DRC1: variants seen among roughly 807,000 people sequenced by gnomAD.
DRC1 encodes dynein regulatory complex protein 1.
DRC1 carries 74 observed loss-of-function variants against 98.7 expected under a neutral mutation model. The ratio of observed to expected loss-of-function variants is 0.75; its 90% CI spans 0.62 to 0.91. The LOEUF is 0.91. Among genes scored for constraint, DRC1 ranks in the 40% least tolerant of loss-of-function variants. The probability of loss-of-function intolerance (pLI) is 0.00; values close to 1 mark genes in which losing one functional copy is unlikely to be tolerated. For synonymous variants in DRC1, 336 were observed against 334.1 expected, an observed-to-expected ratio of 1.01 and a Z score of -0.06; for missense variants, 875 against 886.0, an observed-to-expected ratio of 0.99 and a Z score of 0.16.
At position 26,448,840 on chromosome 2, in the gene DRC1, G is replaced by A. The variant is rs577333887; in HGVS notation, c.1509+37G>A. On this transcript the variant is annotated intron_variant, in intron 11 of 16. Transcript: ENST00000288710. Reference sequence around the variant, plus strand: ...CGGGGGCTGCAGCAGAGGGACTCACGGGGGTGTGCAGGTTCTGAGGCCTCT... The same window carrying A: ...CGGGGGCTGCAGCAGAGGGACTCACAGGGGTGTGCAGGTTCTGAGGCCTCT... The A allele has an allele frequency of 3.5e-5, 56 of 1,601,958 alleles. No individual in the cohort carries two copies. The South Asian group carries it at 4.8e-4, about 14-fold the overall frequency.
intron 10 of DRC1, among the ~76,000 whole-genome samples, chr2:26,446,787 T>C (rs1663862656): frequency 6.6e-6 from 1 of 152,130 alleles, no homozygotes; most frequent in Non-Finnish European, 1.5e-5. Flanking sequence ...ACAGACAGAT[T>C]GCTATATTTT....
chr2:26,429,319 G>A (rs188954988), intron 4 of DRC1, among the ~76,000 whole-genome samples: 60 of 151,872 alleles, frequency 4.0e-4, no homozygotes, highest in Admixed American at 3.0e-3. Flanking sequence ...GGGCTCAAGC[G>A]ATCCTCCCAC....
At chr2:26,446,396 AT>A (rs1197426481) in intron 10 of DRC1, among the ~76,000 whole-genome samples, 1 of 152,088 alleles carries the variant, frequency 6.6e-6, no homozygotes, top group Admixed American at 6.5e-5. Flanking sequence ...AGGGAATGGT[AT>A]TTAGAAACCA....
chr2:26,442,293 G>A (rs558934374), intron 8 of DRC1, among the ~76,000 whole-genome samples: 5 of 152,156 alleles, frequency 3.3e-5, no homozygotes, highest in Admixed American at 6.5e-5. Flanking sequence ...CATTCAAGCC[G>A]TAGCAACCTA....
intron 3 of DRC1, among the ~76,000 whole-genome samples, chr2:26,423,766 T>C (rs1211813022): frequency 1.3e-5 from 2 of 152,214 alleles, no homozygotes; most frequent in African/African-American, 4.8e-5. Flanking sequence ...AGCATCTTAT[T>C]TCATCCTGAC....
At chr2:26,408,525 C>G (rs1678494241) in intron 1 of DRC1, among the ~76,000 whole-genome samples, 4 of 152,144 alleles carry the variant, frequency 2.6e-5, no homozygotes. Context: ...TGTAATCCAG[C>G]ACTTTGGGAG....
At chr2:26,425,319 C>T (rs935398167) in intron 4 of DRC1, among the ~76,000 whole-genome samples, 2 of 152,170 alleles carry the variant, frequency 1.3e-5, no homozygotes, top group African/African-American at 2.4e-5. Context: ...TATACATTCT[C>T]CTGTGAATGG....
rs763177527 is a variant in DRC1 at position 26,430,864 on chromosome 2, G to A, written c.757G>A (p.Ala253Thr). The A allele has an allele frequency of 5.0e-6, 8 of 1,612,882 alleles. No individual in the cohort carries two copies. The Admixed American group carries it at 1.3e-4, about 27-fold the overall frequency. ...KWEQALQAHN[A>T]KELEYLNNRM... ...GGAGCAAGCCCTTCAGGCTCATAAT[G>A]CCAAAGAGGTAAAGGGTGGAGCCTG... Residue 253 changes from alanine (A) to threonine (T), a missense_variant, in exon 6 of 17, where the codon GCC becomes ACC. Ala to Thr is a moderately conservative substitution (Grantham distance 58). Transcript: ENST00000288710.
intron 10 of DRC1, among the ~76,000 whole-genome samples, chr2:26,447,950 C>T (rs543997660): frequency 2.7e-3 from 403 of 151,640 alleles, no homozygotes; most frequent in Middle Eastern, 0.01. Flanking sequence ...CTGGACCAGG[C>T]GCCGTGGCTC....
intron 8 of DRC1, among the ~76,000 whole-genome samples, chr2:26,442,720 AG>A (rs1291612690): frequency 1.3e-5 from 2 of 152,186 alleles, no homozygotes; most frequent in East Asian, 3.8e-4. Flanking sequence ...TGTCATTTCC[AG>A]GGCACAGTTT....
intron 10 of DRC1, chr2:26,448,485 G>T: frequency 1.4e-6 from 1 of 695,906 alleles, no homozygotes; most frequent in Non-Finnish European, 2.7e-6. Flanking sequence ...GAGTTCTCCA[G>T]GTAGTCTCTG....
Position 26,440,440 on chromosome 2 carries a change from G to A in DRC1, c.951G>A (p.Glu317=), listed in dbSNP as rs759036323. The change falls in exon 8 of 17, where the codon GAG becomes GAA. Residue 317 remains glutamate, a synonymous_variant. Coordinates refer to ENST00000288710, the MANE Select transcript of DRC1 (RefSeq NM_145038.5). ...ATCAGCTAAACCAAGAGAAATTAGA[G>A]TACAACTTGCAGGTGCTGAAGAAGA... is the stretch of plus-strand genomic sequence containing the variant. ...AIYQLNQEKL[E]YNLQVLKKRD... 2.5e-6 allele frequency: 4 copies of A among 1,613,230 alleles called. No homozygotes were observed. In the Admixed American group the frequency reaches 5.0e-5, roughly 20 times the overall value.
At chr2:26,413,670 T>G (rs1678698836) in intron 1 of DRC1, among the ~76,000 whole-genome samples, 1 of 152,204 alleles carries the variant, frequency 6.6e-6, no homozygotes, top group Non-Finnish European at 1.5e-5. Flanking sequence ...CTCTTTGGTA[T>G]TTTGTCTTTT....
At chr2:26,419,154 G>T (rs893636225) in intron 2 of DRC1, among the ~76,000 whole-genome samples, 2 of 151,966 alleles carry the variant, frequency 1.3e-5, no homozygotes, top group Admixed American at 1.3e-4. Context: ...CTCCCAAATT[G>T]CTGGGATTAC....
At position 26,454,819 on chromosome 2, in the gene DRC1, G is replaced by C; in HGVS notation, c.2063+29G>C. 1 of 1,613,328 alleles carries C rather than the reference G, an allele frequency of 6.2e-7. No individual in the cohort carries two copies. Among genetic ancestry groups the C allele is most frequent in the Non-Finnish European group, 8.5e-7 (1 of 1,179,536 alleles). On this transcript the variant is annotated intron_variant, in intron 15 of 16. Transcript: ENST00000288710. The surrounding 1 kb of genome is among the most constrained non-coding windows in gnomAD (Gnocchi z 5.2). ...AGTGTGCATGTCATGGAGCAGGAGG[G>C]TGCTGGCGGGCAGGTGAGGAACGGT...
chr2:26,423,866 C>G (rs369808704), intron 3 of DRC1, among the ~76,000 whole-genome samples: 2 of 152,106 alleles, frequency 1.3e-5, no homozygotes, highest in Non-Finnish European at 2.9e-5. Context: ...GCAACTTGTC[C>G]GAAAGGTTGA....
intron 10 of DRC1, 57 bp downstream of exon 10, chr2:26,445,005 G>T: frequency 6.4e-7 from 1 of 1,557,660 alleles, no homozygotes; most frequent in Non-Finnish European, 8.7e-7. Context: ...GAGAACATCG[G>T]GTCAAGCCAG....
chr2:26,419,969 C>T (rs1663082639), intron 2 of DRC1, among the ~76,000 whole-genome samples: 1 of 152,296 alleles, frequency 6.6e-6, no homozygotes, highest in Non-Finnish European at 1.5e-5. Context: ...CTCCACATAT[C>T]ATTAGCTGCA....
intron 1 of DRC1, among the ~76,000 whole-genome samples, chr2:26,404,418 T>C (rs1299217535): frequency 6.6e-6 from 1 of 152,220 alleles, no homozygotes; most frequent in East Asian, 1.9e-4. Context: ...CCACACATAC[T>C]GTGCCTGAGG....
Sources: allele counts gnomAD v4.1 joint callset (sites outside exome capture counted in the v4.1 genomes callset), GRCh38; gene constraint gnomAD v4.1.1; non-coding constraint Gnocchi (gnomAD v3.1); transcripts MANE v1.5; gene names NCBI Gene and HGNC (gene_info 2026-07-23, HGNC 2026-07-21).